The following CCDC13 variants were observed in gnomAD, a reference collection of about 807,000 sequenced individuals.
CCDC13 encodes coiled-coil domain containing 13.
Under a neutral mutation model 87.3 loss-of-function variants are expected in CCDC13, and 70 were observed. That is an observed-to-expected ratio of 0.80 (90% CI 0.66 to 0.98). The LOEUF (loss-of-function observed/expected upper bound fraction) is 0.98, where lower values mean the gene tolerates loss of function less well. Among genes scored for constraint, CCDC13 ranks in the 50% least tolerant of loss-of-function variants. CCDC13 has a pLI of 0.00. For synonymous variants in CCDC13, 317 were observed against 360.3 expected, an observed-to-expected ratio of 0.88 and a Z score of 1.36; for missense variants, 842 against 892.0, an observed-to-expected ratio of 0.94 and a Z score of 0.71.
chr3:42,726,806 G>A (rs975351012), intron 13 of CCDC13, among the ~76,000 whole-genome samples: 1 of 151,672 alleles, frequency 6.6e-6, no homozygotes, highest in African/African-American at 2.4e-5. Flanking sequence ...ATATACATAT[G>A]TGTGTGTGTA....
intron 7 of CCDC13, chr3:42,745,697 C>G (rs1699372853): frequency 2.6e-6 from 1 of 382,110 alleles, no homozygotes; most frequent in Admixed American, 4.1e-5. Flanking sequence ...AGCTCCAGTG[C>G]CTGGCATGTG....
chr3:42,718,269 G>A (rs1157685616), intron 13 of CCDC13: 1 of 152,126 alleles, frequency 6.6e-6, no homozygotes, highest in Non-Finnish European at 1.5e-5. Context: ...GTGACCTCTG[G>A]ATGTCCTCAC....
At chr3:42,742,413 G>T (rs1168217004) in intron 8 of CCDC13, among the ~76,000 whole-genome samples, 2 of 152,156 alleles carry the variant, frequency 1.3e-5, no homozygotes, top group Non-Finnish European at 2.9e-5. Context: ...GCCACCTCTG[G>T]ATTGTTCGTT....
At chr3:42,751,033 T>TCGGAACCTGAGGGCCCATCCCCGC in intron 5 of CCDC13, among the ~76,000 whole-genome samples, 1 of 152,168 alleles carries the variant, frequency 6.6e-6, no homozygotes, top group South Asian at 2.1e-4. Flanking sequence ...CACATTCACC[T>TCGGAACCTGAGGGCCCATCCCCGC]CGGAACCTGA....
chr3:42,707,854 G>A lies in CCDC13; in HGVS notation c.*1126C>T, dbSNP rs537575478. ...GGTGCACCTGTGTGGCCAGGGTGTC[G>A]GAGTTGGGGTGTGTGGCTATGAGTG... On this transcript the variant is annotated 3_prime_UTR_variant, in exon 16 of 16. Transcript: ENST00000310232. Among the ~76,000 whole-genome samples, 3 of 152,316 alleles carry A rather than the reference G, an allele frequency of 2.0e-5. No homozygotes were observed. Among genetic ancestry groups the A allele is most frequent in the Non-Finnish European group, 2.9e-5 (2 of 68,022 alleles).
chr3:42,708,693 G>A lies in CCDC13; in HGVS notation c.*287C>T, dbSNP rs1049645600. 2 of 331,004 alleles carry A rather than the reference G, an allele frequency of 6.0e-6. No homozygotes were observed. The highest frequency in any genetic ancestry group is 1.3e-4 in the South Asian group (2 of 15,882). 20.5% of individuals were successfully genotyped at this position (331,004 alleles called of 1,614,324 possible). ...GGACTGCATCTGTCCATTCACAGCC[G>A]CCTTGCCATCCCAGAGCTCTCGCCT... is the stretch of plus-strand genomic sequence containing the variant. On this transcript the variant is annotated 3_prime_UTR_variant, in exon 16 of 16. Transcript: ENST00000310232.
At position 42,730,556 on chromosome 3, in the gene CCDC13, C is replaced by G; in HGVS notation, c.1629G>C (p.Gln543His). 6.2e-7 allele frequency: 1 copy of G among 1,614,182 alleles called. No homozygotes were observed. The highest frequency in any genetic ancestry group is 8.5e-7 in the Non-Finnish European group (1 of 1,180,008). ...GGGCCTTGATCTCTGACACTTGTGCCTGCCAGCCTTTTTGTTCTGGGGAGT... is the reference window on the plus strand; with the variant it reads ...GGGCCTTGATCTCTGACACTTGTGCGTGCCAGCCTTTTTGTTCTGGGGAGT... ...FSDSPEQKGW[Q>H]AQVSEIKALW... The change falls in exon 13 of 16, where the codon CAG (glutamine) becomes CAC (histidine). Residue 543 changes from glutamine (Q) to histidine (H), a missense_variant. Physicochemically the swap from Gln to His is conservative, Grantham distance 24. Coordinates refer to ENST00000310232, the MANE Select transcript of CCDC13 (RefSeq NM_144719.4).
At chr3:42,731,160 C>T (rs963425337) in intron 12 of CCDC13, among the ~76,000 whole-genome samples, 1 of 152,024 alleles carries the variant, frequency 6.6e-6, no homozygotes, top group Admixed American at 6.5e-5. Flanking sequence ...TGCCCCCCAA[C>T]TTCAACCCCC....
intron 1 of CCDC13, among the ~76,000 whole-genome samples, chr3:42,770,061 G>T (rs565737214): frequency 6.6e-6 from 1 of 152,254 alleles, no homozygotes; most frequent in Non-Finnish European, 1.5e-5. Context: ...GGCACACAGC[G>T]GGACTGGCCG....
intron 10 of CCDC13, 25 bp from the exon 11 acceptor site, chr3:42,733,634 T>A: frequency 1.3e-6 from 2 of 1,572,890 alleles, no homozygotes; most frequent in Non-Finnish European, 1.7e-6. Flanking sequence ...GTGGGTTCCA[T>A]CCTCAGGGCT....
chr3:42,739,690 T>G lies in CCDC13; in HGVS notation c.1108A>C (p.Met370Leu). 7 of 1,614,190 alleles carry G rather than the reference T, an allele frequency of 4.3e-6. No homozygotes were observed. The highest frequency in any genetic ancestry group is 5.9e-6 in the Non-Finnish European group (7 of 1,180,020). Residue 370 changes from methionine to leucine, a missense_variant, in exon 9 of 16, where the codon ATG (methionine) becomes CTG (leucine). Physicochemically the swap from Met to Leu is conservative, Grantham distance 15. Coordinates refer to ENST00000310232, the MANE Select transcript of CCDC13 (RefSeq NM_144719.4). ...CGGCCCTTCTCCACCAGGGTTCCCA[T>G]CTGACTCTTGAGGGTCTTCATCTCA... ...SSEMKTLKSQ[M>L]GTLVEKGRHD...
intron 13 of CCDC13, among the ~76,000 whole-genome samples, chr3:42,714,662 G>C (rs1302284980): frequency 6.6e-6 from 1 of 152,204 alleles, no homozygotes; most frequent in Non-Finnish European, 1.5e-5. Context: ...CTGAAAATTA[G>C]AGGGGCAGCC....
Position 42,709,579 on chromosome 3 carries a change from G to A in CCDC13, c.1988+105C>T, listed in dbSNP as rs545814090. The stretch of plus-strand genomic sequence containing the variant: ...GGACCAAACAGGACAAGCCTTCTGG[G>A]CAAATGAGTCAAAAGTGCAAGGGGA... On this transcript the variant is annotated intron_variant, in intron 15 of 15. Coordinates refer to ENST00000310232, the MANE Select transcript of CCDC13 (RefSeq NM_144719.4). 1.8e-4 allele frequency: 165 copies of A among 915,498 alleles called. No homozygotes were observed. The African/African-American group carries it at 2.5e-3, about 14-fold the overall frequency. 56.7% of individuals were successfully genotyped at this position (915,498 alleles called of 1,614,324 possible). A position where few individuals can be genotyped will look rare whatever the true frequency, so the allele number is the denominator to read the frequency against.
intron 1 of CCDC13, among the ~76,000 whole-genome samples, chr3:42,762,067 G>A (rs1215082348): frequency 6.6e-6 from 1 of 152,198 alleles, no homozygotes; most frequent in Non-Finnish European, 1.5e-5. Flanking sequence ...ATCTAAAAAT[G>A]CTGATAACCA....
At chr3:42,731,757 G>A (rs1471388938) in intron 12 of CCDC13, among the ~76,000 whole-genome samples, 2 of 152,166 alleles carry the variant, frequency 1.3e-5, no homozygotes, top group East Asian at 1.9e-4. Context: ...ATGCCAGCCC[G>A]AATAGACATA....
rs1698211433 is a variant in CCDC13, at chr3:42,707,795, T to C, written c.*1185A>G. Among the ~76,000 whole-genome samples, 1 of 152,188 alleles carries C rather than the reference T, an allele frequency of 6.6e-6. No individual in the cohort carries two copies. The highest frequency in any genetic ancestry group is 6.5e-5 in the Admixed American group (1 of 15,284). On this transcript the variant is annotated 3_prime_UTR_variant, in exon 16 of 16. Coordinates refer to ENST00000310232, the MANE Select transcript of CCDC13 (RefSeq NM_144719.4). ...AGTTGCATGCTCCTGAATTGAGGTA[T>C]GTGTGTGCATCTGCATCTTTGTGTG...
At chr3:42,740,725 G>C (rs538385260) in intron 8 of CCDC13, among the ~76,000 whole-genome samples, 1 of 152,192 alleles carries the variant, frequency 6.6e-6, no homozygotes, top group Admixed American at 6.5e-5. Flanking sequence ...AGCACAGTGA[G>C]TGAAGGGGCA....
At chr3:42,739,571 C>T in intron 9 of CCDC13, 63 bp downstream of exon 9, 1 of 1,550,126 alleles carries the variant, frequency 6.5e-7, no homozygotes, top group Non-Finnish European at 8.7e-7. Flanking sequence ...CTGGCCATGG[C>T]TGGGGCCCAT....
At chr3:42,773,019 G>A (rs925441124) in intron 1 of CCDC13, among the ~76,000 whole-genome samples, 157 bp downstream of exon 1, 3 of 152,208 alleles carry the variant, frequency 2.0e-5, no homozygotes, top group Non-Finnish European at 4.4e-5. Flanking sequence ...AAAGGACGAA[G>A]GGGAAGAGTC....
Sources: gnomAD v4.1 joint callset for allele counts (sites outside exome capture counted in the v4.1 genomes callset) on GRCh38, gnomAD v4.1.1 for gene constraint, MANE v1.5 for transcripts, NCBI Gene and HGNC (gene_info 2026-07-23, HGNC 2026-07-21) for gene names.